Variants in TDP1 observed in about 807,000 individuals in gnomAD.
The protein encoded by TDP1 is tyrosyl-DNA phosphodiesterase 1.
A neutral mutation model predicts 81.5 loss-of-function variants in TDP1; 64 were observed. That is an observed-to-expected ratio of 0.79 (90% CI 0.64 to 0.97). The LOEUF (loss-of-function observed/expected upper bound fraction) is 0.97, where lower values mean the gene tolerates loss of function less well. Among genes scored for constraint, TDP1 ranks in the 50% least tolerant of loss-of-function variants. The pLI, the probability that TDP1 is intolerant of heterozygous loss-of-function variation, is 0.00. For synonymous variants in TDP1, 256 were observed against 264.3 expected (o/e 0.97, Z 0.30); for missense variants, 723 against 743.8 (o/e 0.97, Z 0.33).
At chr14:89,969,254 A>T (rs1322038689) in intron 5 of TDP1, among the ~76,000 whole-genome samples, 1 of 151,892 alleles carries the variant, frequency 6.6e-6, no homozygotes, top group Admixed American at 6.6e-5. Context: ...GACTCTCAGT[A>T]ACTAAAGGGA....
chr14:90,035,007 A>G (rs1428401086), intron 16 of TDP1, among the ~76,000 whole-genome samples: 1 of 151,132 alleles, frequency 6.6e-6, no homozygotes, highest in Admixed American at 6.6e-5. Context: ...CTCAGCTTTC[A>G]TGGTGAACCA....
intron 4 of TDP1, among the ~76,000 whole-genome samples, chr14:89,966,434 C>CTT (rs1318452181): frequency 6.6e-6 from 1 of 152,182 alleles, no homozygotes; most frequent in Non-Finnish European, 1.5e-5. Flanking sequence ...CAAGAAGTCA[C>CTT]TTTGGACATT....
At chr14:89,983,484 C>T (rs1895224743) in intron 8 of TDP1, among the ~76,000 whole-genome samples, 1 of 152,216 alleles carries the variant, frequency 6.6e-6, no homozygotes, top group Admixed American at 6.5e-5. Flanking sequence ...TCTTGCCAGT[C>T]TCCTTCAGGG....
intron 14 of TDP1, among the ~76,000 whole-genome samples, chr14:89,999,946 T>C (rs1288060598): frequency 6.6e-6 from 1 of 152,232 alleles, no homozygotes; most frequent in Non-Finnish European, 1.5e-5. Context: ...TACTATCTCA[T>C]GGTTCCCGTG....
At chr14:89,982,797 A>G (rs147292566) in intron 8 of TDP1, among the ~76,000 whole-genome samples, 15 of 152,260 alleles carry the variant, frequency 9.9e-5, no homozygotes, top group Admixed American at 4.6e-4. Context: ...TGCTTGGCCT[A>G]TATTCTACTC....
Position 89,988,946 on chromosome 14 carries a change from C to T in TDP1, c.1173C>T (p.Ser391=). The T allele has an allele frequency of 6.2e-7, 1 of 1,614,206 alleles. No individual in the cohort carries two copies. The highest frequency in any genetic ancestry group is 8.5e-7 in the Non-Finnish European group (1 of 1,180,028). Residue 391 remains serine, a synonymous_variant, in exon 11 of 17, where the codon TCC becomes TCT. Coordinates refer to ENST00000335725, the MANE Select transcript of TDP1 (RefSeq NM_018319.4). ...DHASSMPNAE[S]WPVVGQFSSV... ...CCTCATCCATGCCTAACGCAGAGTC[C>T]TGGCCTGTCGTAGGTCAGTTTTCAA...
chr14:89,975,601 T>A (rs892803521), intron 6 of TDP1, 180 bp from the exon 7 acceptor site: 6 of 492,086 alleles, frequency 1.2e-5, no homozygotes, highest in Admixed American at 6.6e-5. Flanking sequence ...TTTTTTTTTT[T>A]AATGAGCGTC....
At chr14:89,966,645 T>A (rs2139973625) in intron 4 of TDP1, among the ~76,000 whole-genome samples, 1 of 152,298 alleles carries the variant, frequency 6.6e-6, no homozygotes, top group Admixed American at 6.5e-5. Context: ...TCTTGATAAA[T>A]CATGTAATGG....
intron 13 of TDP1, 150 bp downstream of exon 13, chr14:89,992,133 A>G (rs1566883418): frequency 1.4e-6 from 1 of 701,808 alleles, no homozygotes; most frequent in Non-Finnish European, 2.3e-6. Context: ...ATAATTTAAA[A>G]CAAGGTTTTG....
At chr14:89,978,754 T>A (rs1894639692) in intron 7 of TDP1, among the ~76,000 whole-genome samples, 1 of 151,696 alleles carries the variant, frequency 6.6e-6, no homozygotes, top group South Asian at 2.1e-4. Context: ...CATAACTGAC[T>A]TATTCTTAAT....
At chr14:89,988,527 A>G (rs1198160057) in intron 10 of TDP1, 3 of 913,038 alleles carry the variant, frequency 3.3e-6, no homozygotes, top group Non-Finnish European at 2.6e-6. Context: ...CCAAATACAT[A>G]TTTCATAGCA....
chr14:89,961,680 T>C (rs965990663), intron 2 of TDP1, among the ~76,000 whole-genome samples: 8 of 152,208 alleles, frequency 5.3e-5, no homozygotes, highest in African/African-American at 1.4e-4. Flanking sequence ...AAGGTTTCTC[T>C]GGGGTCCCCT....
chr14:89,988,876 C>T, intron 10 of TDP1, 29 bp from the exon 11 acceptor site: 1 of 1,613,880 alleles, frequency 6.2e-7, no homozygotes, highest in Non-Finnish European at 8.5e-7. Flanking sequence ...ATTTGAGTCA[C>T]TTTAACATTC....
At chr14:89,997,874 C>T (rs750824717) in intron 14 of TDP1, among the ~76,000 whole-genome samples, 17 of 152,248 alleles carry the variant, frequency 1.1e-4, no homozygotes, top group Non-Finnish European at 2.4e-4. Flanking sequence ...AACTACTGAG[C>T]ACCTACTATG....
At chr14:89,984,226 A>G (rs1001407138) in intron 8 of TDP1, 1 of 985,328 alleles carries the variant, frequency 1.0e-6, no homozygotes, top group African/African-American at 1.7e-5. Context: ...GCAATAAGGA[A>G]GGTTTGGCAA....
At chr14:90,012,580 G>T (rs1170235460) in intron 14 of TDP1, among the ~76,000 whole-genome samples, 1 of 152,080 alleles carries the variant, frequency 6.6e-6, no homozygotes, top group Admixed American at 6.5e-5. Flanking sequence ...TAACTTCTGT[G>T]TACCCGCAAG....
At chr14:89,963,864 C>T (rs955330658) in intron 3 of TDP1, among the ~76,000 whole-genome samples, 191 bp downstream of exon 3, 4 of 152,206 alleles carry the variant, frequency 2.6e-5, no homozygotes, top group Non-Finnish European at 4.4e-5. Flanking sequence ...TCAGGCAGAG[C>T]GTGTGTTCTC....
chr14:89,956,321 G>A (rs1227822940), intron 1 of TDP1: 2 of 152,434 alleles, frequency 1.3e-5, no homozygotes, highest in East Asian at 3.9e-4. Flanking sequence ...CCCACCACGT[G>A]CCAGGCGCTT....
chr14:89,958,029 G>C (rs928575482), intron 2 of TDP1, among the ~76,000 whole-genome samples: 1 of 152,180 alleles, frequency 6.6e-6, no homozygotes, highest in Non-Finnish European at 1.5e-5. Flanking sequence ...CTGGAGGCCC[G>C]GCTGGCTGTT....
Sources: gnomAD v4.1 joint callset for allele counts (sites outside exome capture counted in the v4.1 genomes callset) on GRCh38, gnomAD v4.1.1 for gene constraint, MANE v1.5 for transcripts, NCBI Gene and HGNC (gene_info 2026-07-23, HGNC 2026-07-21) for gene names.